The following FAM184A variants were observed in gnomAD, a reference collection of about 807,000 sequenced individuals.
The protein encoded by FAM184A is protein FAM184A.
A neutral mutation model predicts 143.8 loss-of-function variants in FAM184A; 99 were observed. The ratio of observed to expected loss-of-function variants is 0.69; its 90% CI spans 0.58 to 0.81. The LOEUF (loss-of-function observed/expected upper bound fraction) is 0.81. FAM184A is among the 40% of genes least tolerant of loss of function. The pLI is 0.00. For missense variants in FAM184A, 1,217 were observed against 1,310.5 expected (o/e 0.93, Z 1.10); for synonymous variants, 427 against 446.4 (o/e 0.96, Z 0.55).
At chr6:119,012,273 A>T (rs1775620) in intron 5 of FAM184A, among the ~76,000 whole-genome samples, 74,053 of 151,998 alleles carry the variant, frequency 0.49, 18,839 homozygotes, top group Non-Finnish European at 0.55. Context: ...AAGAAGAATC[A>T]ATAGGGTTCT....
At chr6:119,099,763 G>A (rs1044379381) in intron 1 of FAM184A, among the ~76,000 whole-genome samples, 3 of 151,380 alleles carry the variant, frequency 2.0e-5, no homozygotes, top group South Asian at 2.1e-4. Context: ...GGAGGGGGGC[G>A]CACCTGAAGA....
chr6:119,081,306 A>G (rs1338926565), upstream of FAM184A, among the ~76,000 whole-genome samples: 3 of 152,168 alleles, frequency 2.0e-5, no homozygotes, highest in African/African-American at 7.2e-5. Context: ...GATCCAATTG[A>G]AACAGGAAAA....
chr6:119,024,403 C>T lies in FAM184A; in HGVS notation c.570G>A (p.Leu190=), dbSNP rs149139894. 70 of 1,614,192 alleles carry T rather than the reference C, an allele frequency of 4.3e-5. No homozygotes were observed. The African/African-American group carries it at 8.4e-4, about 19-fold the overall frequency. ...EKDKRLALED[L]QAAHRREIQE... ...GTATCTCCCGTCTGTGAGCAGCTTG[C>T]AAGTCTTCCAATGCCAATCGTTTGT... Residue 190 remains leucine, a synonymous_variant, in exon 2 of 18, where the codon TTG becomes TTA. Transcript: ENST00000338891.
chr6:119,078,534 G>T lies in FAM184A; in HGVS notation c.-235C>A, dbSNP rs1402188523. 3.0e-6 allele frequency: 1 copy of T among 335,734 alleles called. No individual in the cohort carries two copies. The highest frequency in any genetic ancestry group is 5.3e-6 in the Non-Finnish European group (1 of 187,674). The allele number at this position is 335,734 out of a possible 1,614,324, so 20.8% of individuals were successfully genotyped here. A position where few individuals can be genotyped will look rare whatever the true frequency, so the allele number is the denominator to read the frequency against. On this transcript the variant is annotated 5_prime_UTR_variant, in exon 1 of 18. Coordinates refer to ENST00000338891, the MANE Select transcript of FAM184A (RefSeq NM_024581.6). This position sits in a 1 kb window ranked among gnomAD's most constrained non-coding sequence, Gnocchi z 5.5. ...GACAACGGCGCGGGGCAGATGCCCG[G>T]GGTTGGGCGGCGGCGGCCGGGGGCC...
intron 1 of FAM184A, among the ~76,000 whole-genome samples, chr6:119,137,886 T>C (rs1024836222): frequency 9.9e-5 from 15 of 152,198 alleles, no homozygotes; most frequent in Non-Finnish European, 2.9e-5. Flanking sequence ...CCAGTCTTTG[T>C]AGTGTTTCCT....
At chr6:119,121,657 G>A (rs2114862338) in intron 1 of FAM184A, among the ~76,000 whole-genome samples, 1 of 152,334 alleles carries the variant, frequency 6.6e-6, no homozygotes, top group African/African-American at 2.4e-5. Flanking sequence ...TTTGCTGTCA[G>A]TTGAGTGATT....
chr6:119,078,770 A>C (rs1257408918), upstream of FAM184A: 1 of 152,560 alleles, frequency 6.6e-6, no homozygotes, highest in African/African-American at 2.4e-5. The surrounding 1 kb of genome is among the most constrained non-coding windows in gnomAD (Gnocchi z 5.5). Context: ...CGGCGACGTC[A>C]TTTCCCCGCA....
intron 1 of FAM184A, among the ~76,000 whole-genome samples, chr6:119,093,152 C>G (rs368741980): frequency 6.6e-6 from 1 of 152,162 alleles, no homozygotes; most frequent in Non-Finnish European, 1.5e-5. Flanking sequence ...TGCCACTAAC[C>G]TTTCATAAAA....
chr6:118,961,001 TA>T (rs1427782211), intron 17 of FAM184A: 7 of 281,908 alleles, frequency 2.5e-5, no homozygotes, highest in South Asian at 7.8e-5. Flanking sequence ...TCACTTAGCC[TA>T]AAAAAACCTG....
intron 1 of FAM184A, among the ~76,000 whole-genome samples, chr6:119,144,072 A>G (rs949566614): frequency 2.6e-5 from 4 of 152,090 alleles, no homozygotes; most frequent in Admixed American, 2.6e-4. Context: ...TCACGCCTGT[A>G]ATCCCAGCAC....
chr6:119,146,033 C>G (rs940332057), intron 1 of FAM184A, among the ~76,000 whole-genome samples: 1 of 152,104 alleles, frequency 6.6e-6, no homozygotes, highest in Non-Finnish European at 1.5e-5. Flanking sequence ...GTACCACTAG[C>G]GGCATAGGAG....
chr6:119,109,472 CTCTCTCTGTCTG>C (rs1223690837), intron 1 of FAM184A, among the ~76,000 whole-genome samples: 4 of 152,150 alleles, frequency 2.6e-5, no homozygotes, highest in East Asian at 1.9e-4. Context: ...ATCCTTCTCT[CTCTCTCTGTCTG>C]TCTCTCTGTC....
At chr6:118,991,985 C>T (rs1181355211) in intron 9 of FAM184A, among the ~76,000 whole-genome samples, 1 of 151,648 alleles carries the variant, frequency 6.6e-6, no homozygotes, top group Admixed American at 6.6e-5. Flanking sequence ...AGGATGGTCT[C>T]GATCTCCTGA....
At chr6:119,011,281 A>G in intron 6 of FAM184A, 28 bp downstream of exon 6, 1 of 1,591,272 alleles carries the variant, frequency 6.3e-7, no homozygotes, top group South Asian at 1.1e-5. Context: ...AATCTATAAC[A>G]TAGGCAACAG....
intron 1 of FAM184A, among the ~76,000 whole-genome samples, chr6:119,131,789 A>T (rs1789542229): frequency 6.6e-6 from 1 of 151,186 alleles, no homozygotes; most frequent in Middle Eastern, 3.2e-3. Flanking sequence ...AGCCTTATAC[A>T]CTTTTATAAC....
chr6:119,097,596 A>T (rs1788540228), intron 1 of FAM184A, among the ~76,000 whole-genome samples: 1 of 152,192 alleles, frequency 6.6e-6, no homozygotes, highest in Admixed American at 6.5e-5. Context: ...AGCCCTGGTT[A>T]CTTGCTAAGT....
At chr6:119,125,828 T>G (rs1331690638) in intron 1 of FAM184A, among the ~76,000 whole-genome samples, 1 of 152,214 alleles carries the variant, frequency 6.6e-6, no homozygotes, top group Non-Finnish European at 1.5e-5. Flanking sequence ...AGCCAGCAAG[T>G]GGAGGACTTC....
At chr6:119,001,490 T>A (rs751149131) in intron 9 of FAM184A, among the ~76,000 whole-genome samples, 3 of 152,056 alleles carry the variant, frequency 2.0e-5, no homozygotes, top group Non-Finnish European at 1.5e-5. Flanking sequence ...CATTATTTTA[T>A]GATATACAGA....
chr6:119,089,338 G>A (rs1226519409), intron 1 of FAM184A, among the ~76,000 whole-genome samples: 1 of 151,864 alleles, frequency 6.6e-6, no homozygotes, highest in Non-Finnish European at 1.5e-5. Flanking sequence ...CAAGTAGCTG[G>A]GATTACAGGC....
Sources: allele counts gnomAD v4.1 joint callset (sites outside exome capture counted in the v4.1 genomes callset), GRCh38; gene constraint gnomAD v4.1.1; non-coding constraint Gnocchi (gnomAD v3.1); transcripts MANE v1.5; gene names NCBI Gene and HGNC (gene_info 2026-07-23, HGNC 2026-07-21).